The following RFX6 variants were observed in gnomAD, a reference collection of about 807,000 sequenced individuals.
RFX6 encodes DNA-binding protein RFX6.
In RFX6, 50 loss-of-function variants were observed where a neutral mutation model predicts 110.8. The ratio of observed to expected loss-of-function variants is 0.45; its 90% CI spans 0.36 to 0.57. The LOEUF (loss-of-function observed/expected upper bound fraction) is 0.57. RFX6 is among the 20% of genes least tolerant of loss of function. The pLI is 0.00. For synonymous variants in RFX6, 383 were observed against 411.2 expected, an observed-to-expected ratio of 0.93 and a Z score of 0.83; for missense variants, 990 against 1,127.0, an observed-to-expected ratio of 0.88 and a Z score of 1.74.
chr6:116,899,506 G>C (rs1775021818), intron 6 of RFX6, among the ~76,000 whole-genome samples: 2 of 152,184 alleles, frequency 1.3e-5, no homozygotes, highest in African/African-American at 4.8e-5. Context: ...CCTGACAAAA[G>C]ACCCTAGTAT....
chr6:116,920,091 C>T (rs1018001095), intron 11 of RFX6, among the ~76,000 whole-genome samples: 5 of 152,102 alleles, frequency 3.3e-5, no homozygotes, highest in African/African-American at 1.2e-4. Context: ...GTGTGTTGCA[C>T]CCATTAACTC....
chr6:116,916,324 T>C lies in RFX6; in HGVS notation c.972+10T>C, dbSNP rs778481833. The C allele has an allele frequency of 6.8e-7, 1 of 1,479,378 alleles. No homozygotes were observed. The highest frequency in any genetic ancestry group is 9.4e-7 in the Non-Finnish European group (1 of 1,058,488). 91.6% of individuals were successfully genotyped at this position (1,479,378 alleles called of 1,614,324 possible). On this transcript the variant is annotated intron_variant, in intron 9 of 18. Transcript: ENST00000332958. ...CTCAATTCTTTATAAGGTAAGCACT[T>C]TGGGATGTCTTAAACATGAGCCATT...
intron 9 of RFX6, among the ~76,000 whole-genome samples, 198 bp downstream of exon 9, chr6:116,916,512 AAAAC>A (rs1775469706): frequency 6.6e-6 from 1 of 152,142 alleles, no homozygotes; most frequent in Admixed American, 6.5e-5. Context: ...TACATTAAGT[AAAAC>A]AAACTCAATT....
intron 6 of RFX6, among the ~76,000 whole-genome samples, chr6:116,899,774 CT>C (rs1442476195): frequency 1.3e-5 from 2 of 152,098 alleles, no homozygotes; most frequent in Non-Finnish European, 2.9e-5. Context: ...TATTCACTTT[CT>C]AAGCATAAAA....
intron 2 of RFX6, among the ~76,000 whole-genome samples, chr6:116,880,105 A>C (rs1774555271): frequency 6.6e-6 from 1 of 152,042 alleles, no homozygotes; most frequent in Non-Finnish European, 1.5e-5. Flanking sequence ...TTCAGGGCTG[A>C]GAAATAGGTT....
intron 4 of RFX6, among the ~76,000 whole-genome samples, chr6:116,893,652 G>A (rs1428361133): frequency 3.3e-5 from 5 of 152,148 alleles, no homozygotes; most frequent in African/African-American, 1.2e-4. Flanking sequence ...CACCCAATTT[G>A]TAAATACATA....
At chr6:116,909,959 G>T (rs968467936) in intron 6 of RFX6, among the ~76,000 whole-genome samples, 2 of 151,494 alleles carry the variant, frequency 1.3e-5, no homozygotes, top group Non-Finnish European at 2.9e-5. Flanking sequence ...TAGAAAGACA[G>T]GATGGGAACC....
intron 9 of RFX6, among the ~76,000 whole-genome samples, chr6:116,916,592 T>G (rs1192638058): frequency 6.6e-6 from 1 of 152,132 alleles, no homozygotes; most frequent in African/African-American, 2.4e-5. Flanking sequence ...CTTAGTTAAA[T>G]TTTATTAACT....
chr6:116,911,968 C>T (rs886477126), intron 7 of RFX6, among the ~76,000 whole-genome samples: 61 of 152,170 alleles, frequency 4.0e-4, no homozygotes, highest in Admixed American at 2.0e-3. Context: ...TTGATGACAG[C>T]CATACTCTGT....
In RFX6 at chr6:116,920,355, G is replaced by C. The variant is rs1443668804; in HGVS notation, c.1228G>C (p.Val410Leu). ...LFDQHVVNSM[V>L]SDIERVDLNS... ...TGACCAGCATGTCGTTAATTCTATG[G>C]TGTCTGATATTGAAAGGGTTGATTT... The change falls in exon 12 of 19, where the codon GTG (valine) becomes CTG (leucine). Residue 410 changes from valine (V) to leucine (L), a missense_variant. By Grantham distance (32) the Val-to-Leu change is conservative. Around this residue, in one of 5 missense-constraint regions of RFX6, gnomAD observed 243 missense variants for 353.1 expected, o/e 0.69. Coordinates refer to ENST00000332958, the MANE Select transcript of RFX6 (RefSeq NM_173560.4). 6.2e-7 allele frequency: 1 copy of C among 1,612,000 alleles called. No individual in the cohort carries two copies. Among genetic ancestry groups the C allele is most frequent in the East Asian group, 2.2e-5 (1 of 44,870 alleles).
intron 6 of RFX6, 90 bp from the exon 7 acceptor site, chr6:116,910,844 GA>G (rs1284828973): frequency 1.1e-6 from 1 of 931,732 alleles, no homozygotes; most frequent in East Asian, 2.4e-5. Context: ...GAAGAAGAAT[GA>G]AATTTTATGG....
At chr6:116,904,390 T>G (rs1264518296) in intron 6 of RFX6, among the ~76,000 whole-genome samples, 2 of 152,130 alleles carry the variant, frequency 1.3e-5, no homozygotes, top group Non-Finnish European at 2.9e-5. Flanking sequence ...ATCTTGTTTT[T>G]TAAAAATTTG....
intron 4 of RFX6, among the ~76,000 whole-genome samples, chr6:116,890,429 TC>T (rs1482178923): frequency 6.6e-6 from 1 of 152,098 alleles, no homozygotes; most frequent in Non-Finnish European, 1.5e-5. Flanking sequence ...CATTATTTGT[TC>T]CCTCACAAGA....
At chr6:116,906,869 T>A (rs2114684338) in intron 6 of RFX6, among the ~76,000 whole-genome samples, 1 of 151,418 alleles carries the variant, frequency 6.6e-6, no homozygotes, top group African/African-American at 2.4e-5. Flanking sequence ...TGTTTTTTTT[T>A]TTTTGCCTAA....
At position 116,920,245 on chromosome 6, in the gene RFX6, A is replaced by C; in HGVS notation, c.1183-65A>C. The stretch of plus-strand genomic sequence containing the variant: ...TCAAGGAACTATTTTTCTGATAGCT[A>C]AAAATTTCTTCTAGATACATTAGAA... On this transcript the variant is annotated intron_variant, in intron 11 of 18. Coordinates refer to ENST00000332958, the MANE Select transcript of RFX6 (RefSeq NM_173560.4). 9 of 1,318,426 alleles carry C rather than the reference A, an allele frequency of 6.8e-6. No homozygotes were observed. The South Asian group carries it at 1.1e-4, about 16-fold the overall frequency. The allele number at this position is 1,318,426 out of a possible 1,614,324, so 81.7% of individuals were successfully genotyped here.
At chr6:116,888,460 A>G (rs1411077704) in intron 4 of RFX6, among the ~76,000 whole-genome samples, 4 of 152,218 alleles carry the variant, frequency 2.6e-5, no homozygotes, top group Non-Finnish European at 5.9e-5. Context: ...TTGCTAATAA[A>G]TGAACACAAT....
intron 1 of RFX6, 143 bp from the exon 2 acceptor site, chr6:116,877,653 A>T: frequency 9.5e-7 from 1 of 1,056,848 alleles, no homozygotes; most frequent in South Asian, 1.5e-5. Flanking sequence ...TCAAGTAGAG[A>T]CCTGACATTT....
Position 116,925,135 on chromosome 6 carries a change from G to T in RFX6, c.1679-318G>T, listed in dbSNP as rs1281568969. ...ACATATGTAAGTGGTGTAAAAATAA[G>T]TTCTATAGGAGTTTAGAGAAGGAAG... On this transcript the variant is annotated intron_variant, in intron 15 of 18. Transcript: ENST00000332958. Among the ~76,000 whole-genome samples the T allele has an allele frequency of 2.0e-5, 3 of 152,156 alleles. No individual in the cohort carries two copies. The East Asian group carries it at 5.8e-4, about 29-fold the overall frequency.
At chr6:116,908,465 G>A (rs537696505) in intron 6 of RFX6, among the ~76,000 whole-genome samples, 2 of 151,610 alleles carry the variant, frequency 1.3e-5, no homozygotes, top group African/African-American at 2.4e-5. Flanking sequence ...CTTCCTTTTC[G>A]GTACTTAATC....
Sources: gnomAD v4.1 joint callset for allele counts (sites outside exome capture counted in the v4.1 genomes callset) on GRCh38, gnomAD v4.1.1 for gene constraint, gnomAD v4.1.1 regional missense constraint, MANE v1.5 for transcripts, NCBI Gene and HGNC (gene_info 2026-07-23, HGNC 2026-07-21) for gene names.